PLCH1: variants seen among roughly 807,000 people sequenced by gnomAD.
PLCH1 encodes phospholipase C eta 1.
PLCH1 carries 60 observed loss-of-function variants against 126.7 expected under a neutral mutation model. The observed-to-expected ratio is 0.47, with a 90% CI of 0.38 to 0.59. The LOEUF is 0.59. Ranked by LOEUF, PLCH1 falls within the 20% of genes least tolerant of loss-of-function variation. The pLI, the probability that PLCH1 is intolerant of heterozygous loss-of-function variation, is 0.00. For missense variants in PLCH1, 1,723 were observed against 2,040.0 expected, an observed-to-expected ratio of 0.84 and a Z score of 2.99; for synonymous variants, 719 against 734.9, an observed-to-expected ratio of 0.98 and a Z score of 0.35.
intron 8 of PLCH1, 124 bp from the exon 9 acceptor site, chr3:155,554,320 A>T: frequency 1.2e-6 from 1 of 856,460 alleles, no homozygotes; most frequent in East Asian, 2.6e-5. Flanking sequence ...CCTGACAAAG[A>T]CGTGACACAG....
At chr3:155,521,118 G>A (rs6804318) in intron 11 of PLCH1, among the ~76,000 whole-genome samples, 29,392 of 151,964 alleles carry the variant, frequency 0.19, 3,468 homozygotes, top group East Asian at 0.41. Flanking sequence ...GAGGCCTTTC[G>A]TTGACATCCC....
chr3:155,504,649 T>C (rs748628842), intron 12 of PLCH1, 23 bp from the exon 13 acceptor site: 2 of 1,458,750 alleles, frequency 1.4e-6, no homozygotes, highest in African/African-American at 1.4e-5. Context: ...AGGCATAATA[T>C]AACTATTTAT....
chr3:155,588,487 G>A (rs1731667527), intron 4 of PLCH1, among the ~76,000 whole-genome samples: 1 of 152,160 alleles, frequency 6.6e-6, no homozygotes, highest in Non-Finnish European at 1.5e-5. Flanking sequence ...GTTCAAAGAA[G>A]TGACAAAAGG....
intron 8 of PLCH1, among the ~76,000 whole-genome samples, chr3:155,557,881 A>G (rs1304763600): frequency 1.3e-5 from 2 of 152,192 alleles, no homozygotes; most frequent in Admixed American, 1.3e-4. Context: ...TGGAGAAGTC[A>G]TAAACCGATT....
rs185491970 is a variant in PLCH1 at position 155,628,132 on chromosome 3, G to A, written c.80-31754C>T. Among the ~76,000 whole-genome samples the A allele has an allele frequency of 1.6e-4, 25 of 152,092 alleles. 1 individual carries two copies. Among genetic ancestry groups the A allele is most frequent in the Non-Finnish European group, 3.2e-4 (22 of 67,982 alleles). On this transcript the variant is annotated intron_variant, in intron 2 of 22. Coordinates refer to ENST00000460012, the MANE Select transcript of PLCH1 (RefSeq NM_014996.4). ...ACAGATAGAACATGATTCTATTTGA[G>A]TTATTTCATGTATATACATAAATAT...
At chr3:155,693,922 C>A (rs1745607693) in intron 2 of PLCH1, among the ~76,000 whole-genome samples, 1 of 151,466 alleles carries the variant, frequency 6.6e-6, no homozygotes, top group African/African-American at 2.4e-5. Flanking sequence ...AGGAGCGAAA[C>A]TCTGTCTTAA....
At chr3:155,658,442 C>T in intron 2 of PLCH1, 1 of 160,722 alleles carries the variant, frequency 6.2e-6, no homozygotes, top group Non-Finnish European at 1.4e-5. Context: ...GCTGCGGAAG[C>T]CCAGACACGG....
At chr3:155,540,999 A>G (rs1724152023) in intron 10 of PLCH1, among the ~76,000 whole-genome samples, 1 of 152,214 alleles carries the variant, frequency 6.6e-6, no homozygotes, top group Non-Finnish European at 1.5e-5. Context: ...ATGCCCATCA[A>G]TCAACGAGTG....
At chr3:155,562,400 CA>C (rs1221132933) in intron 8 of PLCH1, among the ~76,000 whole-genome samples, 1 of 152,082 alleles carries the variant, frequency 6.6e-6, no homozygotes, top group Non-Finnish European at 1.5e-5. Flanking sequence ...GCCCCCTATC[CA>C]CTTCGCTTCC....
At chr3:155,630,273 G>A (rs1416037157) in intron 2 of PLCH1, among the ~76,000 whole-genome samples, 1 of 152,214 alleles carries the variant, frequency 6.6e-6, no homozygotes, top group Non-Finnish European at 1.5e-5. Flanking sequence ...TTATCTCAGA[G>A]CCAGTGAATT....
intron 2 of PLCH1, among the ~76,000 whole-genome samples, chr3:155,625,857 G>C (rs1737173580): frequency 6.6e-6 from 1 of 152,144 alleles, no homozygotes; most frequent in African/African-American, 2.4e-5. Context: ...AATACCATTT[G>C]ACCCAGCAAT....
intron 5 of PLCH1, 107 bp downstream of exon 5, chr3:155,585,958 G>A (rs1731305065): frequency 1.2e-6 from 1 of 856,654 alleles, no homozygotes; most frequent in African/African-American, 1.7e-5. Context: ...ACAGTACAGA[G>A]CACATATATT....
intron 2 of PLCH1, among the ~76,000 whole-genome samples, chr3:155,696,372 A>G (rs1403806597): frequency 6.6e-6 from 1 of 152,134 alleles, no homozygotes; most frequent in African/African-American, 2.4e-5. Flanking sequence ...TACAAACACA[A>G]TCACTAATTA....
chr3:155,510,899 G>T (rs1719364766), intron 12 of PLCH1, among the ~76,000 whole-genome samples: 1 of 100,546 alleles, frequency 9.9e-6, no homozygotes. Context: ...CTGAACATTG[G>T]CCTGCCTTGC....
At chr3:155,613,574 C>T (rs1416068071) in intron 2 of PLCH1, among the ~76,000 whole-genome samples, 2 of 152,106 alleles carry the variant, frequency 1.3e-5, no homozygotes, top group East Asian at 3.9e-4. Flanking sequence ...TCAACAGACA[C>T]AGAAAAAGTG....
chr3:155,506,547 C>T (rs1165476466), intron 12 of PLCH1, among the ~76,000 whole-genome samples: 2 of 127,028 alleles, frequency 1.6e-5, no homozygotes, highest in African/African-American at 3.0e-5. Flanking sequence ...ATTCCCCTTC[C>T]TGTGTCCATG....
intron 1 of PLCH1, among the ~76,000 whole-genome samples, chr3:155,735,353 G>A (rs1559972567): frequency 6.6e-6 from 1 of 151,942 alleles, no homozygotes; most frequent in Non-Finnish European, 1.5e-5. Flanking sequence ...TTGATAAGGA[G>A]CTGGGTGCAG....
intron 2 of PLCH1, among the ~76,000 whole-genome samples, chr3:155,700,624 T>C (rs1746202625): frequency 6.6e-6 from 1 of 152,176 alleles, no homozygotes; most frequent in Non-Finnish European, 1.5e-5. Context: ...TAGCAGTATG[T>C]GAAGACAAAC....
At chr3:155,458,712 A>C (rs1049160900) in intron 21 of PLCH1, among the ~76,000 whole-genome samples, 3 of 152,162 alleles carry the variant, frequency 2.0e-5, no homozygotes, top group Admixed American at 6.6e-5. Context: ...GAGATAGAAA[A>C]AAGTCAGCAG....
Sources: allele counts gnomAD v4.1 joint callset (sites outside exome capture counted in the v4.1 genomes callset), GRCh38; gene constraint gnomAD v4.1.1; transcripts MANE v1.5; gene names NCBI Gene and HGNC (gene_info 2026-07-23, HGNC 2026-07-21).